The following TSHR variants were observed in gnomAD, a reference collection of about 807,000 sequenced individuals.
TSHR encodes thyrotropin receptor.
A neutral mutation model predicts 64.1 loss-of-function variants in TSHR; 51 were observed. The ratio of observed to expected loss-of-function variants is 0.80; its 90% CI spans 0.64 to 1.01. TSHR has a LOEUF of 1.01. Among genes scored for constraint, TSHR ranks in the 50% least tolerant of loss-of-function variants. The pLI is 0.00. For missense variants in TSHR, 877 were observed against 942.8 expected, an observed-to-expected ratio of 0.93 and a Z score of 0.91; for synonymous variants, 361 against 361.9, an observed-to-expected ratio of 1.00 and a Z score of 0.03.
At chr14:80,996,990 T>TTAC (rs201440030) in intron 1 of TSHR, among the ~76,000 whole-genome samples, 1 of 152,142 alleles carries the variant, frequency 6.6e-6, no homozygotes, top group South Asian at 2.1e-4. Context: ...GCTGTTATTA[T>TTAC]TACTACTACT....
intron 1 of TSHR, among the ~76,000 whole-genome samples, chr14:81,028,152 A>G (rs1342110384): frequency 6.6e-6 from 1 of 152,228 alleles, no homozygotes; most frequent in East Asian, 1.9e-4. Context: ...GAACTCAAGT[A>G]GATCATAAGC....
intron 7 of TSHR, among the ~76,000 whole-genome samples, chr14:81,098,414 T>C (rs916515064): frequency 2.0e-5 from 3 of 152,362 alleles, no homozygotes; most frequent in Admixed American, 6.5e-5. Context: ...AAGTTCTTTT[T>C]CTAATCTAGC....
At chr14:81,110,821 G>A (rs983017806) in intron 8 of TSHR, among the ~76,000 whole-genome samples, 11 of 151,938 alleles carry the variant, frequency 7.2e-5, no homozygotes, top group Non-Finnish European at 1.5e-4. Flanking sequence ...CAACTAGGAC[G>A]GCCATTTAAA....
At chr14:81,108,650 A>G (rs2140032486) in intron 8 of TSHR, 198 bp downstream of exon 8, 1 of 1,614,124 alleles carries the variant, frequency 6.2e-7, no homozygotes, top group Non-Finnish European at 8.5e-7. Flanking sequence ...TTTGAGACTC[A>G]GAAGGCCCCA....
chr14:81,103,990 C>T lies in TSHR; in HGVS notation c.615-4385C>T, dbSNP rs770319037. 422 of 985,318 alleles carry T rather than the reference C, an allele frequency of 4.3e-4. No individual in the cohort carries two copies. Among genetic ancestry groups the T allele is most frequent in the Middle Eastern group, 5.2e-4 (1 of 1,914 alleles). The allele number at this position is 985,318 out of a possible 1,614,324, so 61.0% of individuals were successfully genotyped here. ...AATTAGCATCATGCATTAGCTGATT[C>T]GAAGTAAAACACCACATCTTGGCAC... On this transcript the variant is annotated intron_variant, in intron 7 of 9. Transcript: ENST00000298171. This position sits in a 1 kb window ranked among gnomAD's most constrained non-coding sequence, Gnocchi z 4.1.
intron 5 of TSHR, among the ~76,000 whole-genome samples, chr14:81,092,149 T>G (rs1477570788): frequency 6.6e-6 from 1 of 152,218 alleles, no homozygotes; most frequent in Non-Finnish European, 1.5e-5. Context: ...ATGAAATCCT[T>G]TAATCCTTTT....
rs2140108960 is a variant in TSHR, at chr14:81,143,057, C to T, written c.999C>T (p.Ser333=). The change falls in exon 10 of 10, where the codon AGC becomes AGT. Residue 333 remains serine, a synonymous_variant. Transcript: ENST00000298171. The part of the protein sequence containing the change: ...HQEYEENLGD[S]IVGYKEKSKF... ...AATATGAAGAGAATCTGGGTGACAG[C>T]ATTGTTGGGTACAAGGAAAAGTCCA... 1 of 1,614,048 alleles carries T rather than the reference C, an allele frequency of 6.2e-7. No individual in the cohort carries two copies. The highest frequency in any genetic ancestry group is 2.2e-5 in the East Asian group (1 of 44,890).
At chr14:81,015,488 A>C (rs972218926) in intron 1 of TSHR, among the ~76,000 whole-genome samples, 26 of 152,188 alleles carry the variant, frequency 1.7e-4, no homozygotes, top group Non-Finnish European at 3.5e-4. Context: ...CTTCTTCAAA[A>C]AATTTTTAAT....
chr14:81,143,215 A>G lies in TSHR; in HGVS notation c.1157A>G (p.Asp386Gly). 6.2e-7 allele frequency: 1 copy of G among 1,614,150 alleles called. No individual in the cohort carries two copies. The highest frequency in any genetic ancestry group is 8.5e-7 in the Non-Finnish European group (1 of 1,180,028). The part of the protein sequence containing the change: ...ETLQAFDSHY[D>G]YTICGDSEDM... ...CTACAAGCTTTTGACAGCCATTATG[A>G]CTACACCATATGTGGGGACAGTGAA... is the stretch of plus-strand genomic sequence containing the variant. Residue 386 changes from aspartate (D) to glycine (G), a missense_variant, in exon 10 of 10, where the codon GAC (aspartate) becomes GGC (glycine). Transcript: ENST00000298171.
intron 1 of TSHR, among the ~76,000 whole-genome samples, chr14:81,010,261 A>C (rs116950087): frequency 0.012 from 1,802 of 152,208 alleles, 20 homozygotes; most frequent in African/African-American, 0.016. Context: ...CCCAGTTTAT[A>C]ACTTGCCTTT....
chr14:80,993,168 G>T (rs1888834030), intron 1 of TSHR: 1 of 152,160 alleles, frequency 6.6e-6, no homozygotes, highest in Admixed American at 6.5e-5. Context: ...CAAAAAAATT[G>T]TACTCCCAAA....
At chr14:81,061,272 T>C (rs750228115) in intron 1 of TSHR, among the ~76,000 whole-genome samples, 1 of 152,164 alleles carries the variant, frequency 6.6e-6, no homozygotes, top group Non-Finnish European at 1.5e-5. Context: ...CCAAGGCATT[T>C]CCATTGAAAA....
At chr14:81,022,897 A>G (rs1347476610) in intron 1 of TSHR, among the ~76,000 whole-genome samples, 1 of 152,116 alleles carries the variant, frequency 6.6e-6, no homozygotes, top group African/African-American at 2.4e-5. Context: ...TAATGAGCTT[A>G]TTAAGGAGAT....
chr14:81,079,665 G>A (rs114615174), intron 3 of TSHR, among the ~76,000 whole-genome samples: 1,713 of 152,164 alleles, frequency 0.011, 36 homozygotes, highest in African/African-American at 0.038. Flanking sequence ...CAGCCTGGGC[G>A]GCAGAGTGAG....
At chr14:81,140,796 G>A (rs781419806) in intron 9 of TSHR, among the ~76,000 whole-genome samples, 3 of 152,120 alleles carry the variant, frequency 2.0e-5, no homozygotes, top group Non-Finnish European at 1.5e-5. Context: ...CTAGGTGTGA[G>A]GGCAGAAGCT....
At chr14:81,090,837 T>A (rs1888673800) in intron 4 of TSHR, among the ~76,000 whole-genome samples, 1 of 152,180 alleles carries the variant, frequency 6.6e-6, no homozygotes, top group African/African-American at 2.4e-5. Context: ...GCCGAGCAGA[T>A]GTATTGACAC....
intron 1 of TSHR, among the ~76,000 whole-genome samples, chr14:81,021,814 C>T (rs1056382525): frequency 1.3e-5 from 2 of 152,128 alleles, no homozygotes; most frequent in African/African-American, 2.4e-5. Flanking sequence ...AAAGAAATTT[C>T]ATAGGTAACA....
At chr14:81,079,971 G>C (rs1887782634) in intron 3 of TSHR, among the ~76,000 whole-genome samples, 1 of 147,616 alleles carries the variant, frequency 6.8e-6, no homozygotes, top group African/African-American at 2.5e-5. Flanking sequence ...GTTTGTTTTT[G>C]AGACGGAGTC....
At chr14:81,109,712 C>G (rs148833425) in intron 8 of TSHR, among the ~76,000 whole-genome samples, 366 of 152,212 alleles carry the variant, frequency 2.4e-3, no homozygotes, top group African/African-American at 8.3e-3. Flanking sequence ...CTGAATGCAC[C>G]CAGTGCATTT....
Sources: allele counts gnomAD v4.1 joint callset (sites outside exome capture counted in the v4.1 genomes callset), GRCh38; gene constraint gnomAD v4.1.1; non-coding constraint Gnocchi (gnomAD v3.1); transcripts MANE v1.5; gene names NCBI Gene and HGNC (gene_info 2026-07-23, HGNC 2026-07-21).